HECW1: variants seen among roughly 807,000 people sequenced by gnomAD.
HECW1 encodes the protein E3 ubiquitin-protein ligase HECW1.
HECW1 carries 61 observed loss-of-function variants against 182.3 expected under a neutral mutation model. The ratio of observed to expected loss-of-function variants is 0.33; its 90% CI spans 0.27 to 0.41. The LOEUF (loss-of-function observed/expected upper bound fraction) is 0.41. Among genes scored for constraint, HECW1 ranks in the 10% least tolerant of loss-of-function variants. The pLI, the probability that HECW1 is intolerant of heterozygous loss-of-function variation, is 1.00. For synonymous variants in HECW1, 859 were observed against 832.6 expected (o/e 1.03, Z -0.55); for missense variants, 1,739 against 2,108.9 (o/e 0.82, Z 3.44).
intron 3 of HECW1, among the ~76,000 whole-genome samples, chr7:43,273,329 A>G (rs1292872489): frequency 6.6e-6 from 1 of 152,200 alleles, no homozygotes; most frequent in Non-Finnish European, 1.5e-5. Flanking sequence ...AAAGTTGAAA[A>G]AAATAAAGAT....
chr7:43,213,524 C>CA (rs1796181549), intron 2 of HECW1, among the ~76,000 whole-genome samples: 1 of 146,948 alleles, frequency 6.8e-6, no homozygotes, highest in African/African-American at 2.5e-5. Context: ...CGGCTCACTG[C>CA]AAGCTCCACC....
At chr7:43,278,020 T>C (rs1803387722) in intron 3 of HECW1, among the ~76,000 whole-genome samples, 1 of 152,130 alleles carries the variant, frequency 6.6e-6, no homozygotes. Context: ...TCTCCTGCTA[T>C]CCATACCCTT....
chr7:43,525,050 A>C (rs2080702207), intron 24 of HECW1, among the ~76,000 whole-genome samples: 1 of 152,146 alleles, frequency 6.6e-6, no homozygotes, highest in African/African-American at 2.4e-5. Flanking sequence ...TTATTTGTTG[A>C]TTCAAAACTC....
intron 24 of HECW1, among the ~76,000 whole-genome samples, chr7:43,531,835 C>T (rs931449965): frequency 6.6e-6 from 1 of 152,206 alleles, no homozygotes; most frequent in African/African-American, 2.4e-5. Flanking sequence ...TGCCTCTCAT[C>T]TTCCAGATCC....
intron 7 of HECW1, among the ~76,000 whole-genome samples, chr7:43,401,543 C>T (rs2075407019): frequency 6.8e-6 from 1 of 147,478 alleles, no homozygotes; most frequent in African/African-American, 2.5e-5. Flanking sequence ...GAGACCAACA[C>T]CTAGACAAAT....
chr7:43,413,097 G>A (rs1200361694), intron 8 of HECW1, among the ~76,000 whole-genome samples: 25 of 147,624 alleles, frequency 1.7e-4, no homozygotes, highest in South Asian at 2.2e-4. Context: ...CTATTTCTCC[G>A]CATCCTCTCC....
At chr7:43,162,934 C>G (rs567695170) in intron 2 of HECW1, 1 of 152,328 alleles carries the variant, frequency 6.6e-6, no homozygotes, top group East Asian at 1.9e-4. Context: ...AGATGAAGAA[C>G]ATGAGTCTTA....
At chr7:43,454,847 A>C (rs528361492) in intron 12 of HECW1, among the ~76,000 whole-genome samples, 2 of 152,340 alleles carry the variant, frequency 1.3e-5, no homozygotes, top group South Asian at 2.1e-4. Flanking sequence ...CTCACTGAAA[A>C]GGCTGGATGG....
chr7:43,392,811 T>C lies in HECW1; in HGVS notation c.556-4003T>C, dbSNP rs2075088877. Reference sequence around the variant, plus strand: ...TGGAGACTAAAGGCCGAGGGAGCCCTGTCAACTGAGCTATAGTCTCCGGAC... The same window carrying C: ...TGGAGACTAAAGGCCGAGGGAGCCCCGTCAACTGAGCTATAGTCTCCGGAC... On this transcript the variant is annotated intron_variant, in intron 6 of 29. Coordinates refer to ENST00000395891, the MANE Select transcript of HECW1 (RefSeq NM_015052.5). Among the ~76,000 whole-genome samples the C allele has an allele frequency of 2.0e-5, 3 of 152,234 alleles. No individual in the cohort carries two copies. The South Asian group carries it at 6.2e-4, about 31-fold the overall frequency.
At position 43,500,755 on chromosome 7, in the gene HECW1, G is replaced by C; in HGVS notation, c.3494G>C (p.Cys1165Ser). The C allele has an allele frequency of 6.2e-7, 1 of 1,613,840 alleles. No homozygotes were observed. The highest frequency in any genetic ancestry group is 1.3e-5 in the African/African-American group (1 of 75,014). Residue 1165 changes from cysteine to serine, a missense_variant, in exon 20 of 30, where the codon TGT becomes TCT. This residue lies in a region of HECW1 where 420 missense variants were observed against 595.7 expected (regional missense o/e 0.71). Transcript: ENST00000395891. ...EGNHGLEKLSCDADLVILLSL... is the reference protein window; with the variant it reads ...EGNHGLEKLSSDADLVILLSL... ...AATCACGGGCTTGAGAAGTTGTCCT[G>C]TGATGCGGATCTGGTCATTTTGCTG...
chr7:43,475,060 G>A (rs2078170427), intron 16 of HECW1, among the ~76,000 whole-genome samples: 1 of 152,162 alleles, frequency 6.6e-6, no homozygotes, highest in Non-Finnish European at 1.5e-5. Flanking sequence ...GGAGAGTGGT[G>A]ATGGTTGCAC....
intron 12 of HECW1, among the ~76,000 whole-genome samples, chr7:43,453,285 GTGAGGAGTGGTC>G (rs1393486599): frequency 6.6e-6 from 1 of 152,190 alleles, no homozygotes; most frequent in African/African-American, 2.4e-5. Flanking sequence ...AGTGGAGGTG[GTGAGGAGTGGTC>G]TGATTCTGGA....
At chr7:43,475,033 GA>G (rs2078169436) in intron 16 of HECW1, among the ~76,000 whole-genome samples, 1 of 152,198 alleles carries the variant, frequency 6.6e-6, no homozygotes, top group African/African-American at 2.4e-5. Flanking sequence ...TTGGGAAGGT[GA>G]AAAAGTGCTG....
At chr7:43,252,223 G>A (rs145268417) in intron 3 of HECW1, among the ~76,000 whole-genome samples, 200 of 152,218 alleles carry the variant, frequency 1.3e-3, no homozygotes, top group African/African-American at 4.6e-3. Context: ...CCCCTGCTAC[G>A]TGGGTCTTTC....
intron 2 of HECW1, among the ~76,000 whole-genome samples, chr7:43,219,595 G>A (rs1186825663): frequency 6.6e-6 from 1 of 152,148 alleles, no homozygotes; most frequent in African/African-American, 2.4e-5. Context: ...GATTGAGCAA[G>A]CAGTGGGTAT....
intron 19 of HECW1, among the ~76,000 whole-genome samples, chr7:43,499,564 CT>C (rs2079256153): frequency 6.6e-6 from 1 of 151,932 alleles, no homozygotes; most frequent in African/African-American, 2.4e-5. Flanking sequence ...TATACAGGAT[CT>C]GTCTGTTTAT....
At chr7:43,541,031 T>C (rs2081346369) in intron 24 of HECW1, 132 bp from the exon 25 acceptor site, 1 of 716,070 alleles carries the variant, frequency 1.4e-6, no homozygotes, top group Admixed American at 2.1e-5. Context: ...GTGCCTCCCT[T>C]GTGTCATCAA....
intron 2 of HECW1, among the ~76,000 whole-genome samples, chr7:43,134,595 T>G (rs1481473511): frequency 2.0e-5 from 3 of 151,946 alleles, no homozygotes; most frequent in Non-Finnish European, 4.4e-5. Flanking sequence ...AGCTTTGAAC[T>G]CCTGGGCTCA....
chr7:43,446,517 A>T (rs1282063711), intron 11 of HECW1, among the ~76,000 whole-genome samples: 1 of 152,180 alleles, frequency 6.6e-6, no homozygotes, highest in Non-Finnish European at 1.5e-5. Flanking sequence ...TTAGCCTCCA[A>T]CAAAAGGCGG....
Sources: gnomAD v4.1 joint callset for allele counts (sites outside exome capture counted in the v4.1 genomes callset) on GRCh38, gnomAD v4.1.1 for gene constraint, gnomAD v4.1.1 regional missense constraint, MANE v1.5 for transcripts, NCBI Gene and HGNC (gene_info 2026-07-23, HGNC 2026-07-21) for gene names.